The following FRMD6 variants were observed in gnomAD, a reference collection of about 807,000 sequenced individuals.
The protein encoded by FRMD6 is FERM domain-containing protein 6.
In FRMD6, 37 loss-of-function variants were observed where a neutral mutation model predicts 73.2. The observed-to-expected ratio is 0.51, with a 90% confidence interval of 0.39 to 0.66. The LOEUF (loss-of-function observed/expected upper bound fraction) is 0.66. Among genes scored for constraint, FRMD6 ranks in the 30% least tolerant of loss-of-function variants. The pLI is 0.00. For synonymous variants in FRMD6, 273 were observed against 282.2 expected, an observed-to-expected ratio of 0.97 and a Z score of 0.33; for missense variants, 714 against 780.5, an observed-to-expected ratio of 0.91 and a Z score of 1.02.
intron 1 of FRMD6, among the ~76,000 whole-genome samples, chr14:51,683,116 A>G (rs41480647): frequency 0.28 from 42,229 of 152,070 alleles, 6,591 homozygotes; most frequent in Non-Finnish European, 0.35. Context: ...ATTTACAACC[A>G]ACAATACGCT....
the FRMD6 span, among the ~76,000 whole-genome samples, chr14:51,483,981 G>A: frequency 6.6e-6 from 1 of 152,294 alleles, no homozygotes; most frequent in African/African-American, 2.4e-5. Context: ...CAGAGTAAGA[G>A]TTCGCTTCTT....
chr14:51,518,184 C>T (rs1337203497), intron 1 of FRMD6, among the ~76,000 whole-genome samples: 1 of 152,166 alleles, frequency 6.6e-6, no homozygotes, highest in East Asian at 1.9e-4. Flanking sequence ...TTAATCAAAA[C>T]TTGAGATTTA....
At chr14:51,673,929 C>G (rs1192070019) in intron 1 of FRMD6, among the ~76,000 whole-genome samples, 1 of 152,128 alleles carries the variant, frequency 6.6e-6, no homozygotes, top group Non-Finnish European at 1.5e-5. Context: ...TTGCTTTATT[C>G]ACTAAAGTGG....
At chr14:51,439,610 A>G in the FRMD6 span, among the ~76,000 whole-genome samples, 250 of 152,284 alleles carry the variant, frequency 1.6e-3, 1 homozygote, top group Middle Eastern at 6.8e-3. Context: ...CGTGTTCACT[A>G]GGTCACACGG....
rs1207055076 is a variant in FRMD6, at chr14:51,729,604, A to G, written c.*1575A>G. The G allele has an allele frequency of 2.0e-5, 3 of 152,632 alleles. No individual in the cohort carries two copies. Among genetic ancestry groups the G allele is most frequent in the South Asian group, 4.1e-4 (2 of 4,828 alleles). The allele number at this position is 152,632 out of a possible 1,614,324, so 9.5% of individuals were successfully genotyped here. On this transcript the variant is annotated 3_prime_UTR_variant, in exon 14 of 14. Coordinates refer to ENST00000344768, the MANE Select transcript of FRMD6 (RefSeq NM_001267046.2). ...TGCCCAGTTTTATTAAAAAAACTAT[A>G]TATTATTTTCTAAAGAAACAATCAT... is the stretch of plus-strand genomic sequence containing the variant.
chr14:51,440,186 A>G, the FRMD6 span, among the ~76,000 whole-genome samples: 1 of 152,256 alleles, frequency 6.6e-6, no homozygotes, highest in Non-Finnish European at 1.5e-5. Flanking sequence ...GTGGTAAAGC[A>G]TGTGTAATAA....
chr14:51,490,016 G>C (rs1173004988), intron 1 of FRMD6, among the ~76,000 whole-genome samples: 1 of 152,094 alleles, frequency 6.6e-6, no homozygotes, highest in African/African-American at 2.4e-5. Flanking sequence ...TACATATTTG[G>C]GGTTCCTGCA....
At chr14:51,662,491 GC>G (rs1191820269) in intron 1 of FRMD6, among the ~76,000 whole-genome samples, 2 of 152,118 alleles carry the variant, frequency 1.3e-5, no homozygotes, top group African/African-American at 4.8e-5. Flanking sequence ...CAGAAATAAG[GC>G]CACACACCTG....
chr14:51,634,609 A>AG (rs1375515663), intron 2 of FRMD6, among the ~76,000 whole-genome samples: 4 of 152,182 alleles, frequency 2.6e-5, no homozygotes, highest in Non-Finnish European at 5.9e-5. Flanking sequence ...TCTATAAAAA[A>AG]GGAAAAAAAA....
the FRMD6 span, among the ~76,000 whole-genome samples, chr14:51,475,456 T>C: frequency 1.3e-5 from 2 of 152,106 alleles, no homozygotes; most frequent in Non-Finnish European, 2.9e-5. Flanking sequence ...CTTCAGAGAG[T>C]GTTCTTAGCC....
intron 1 of FRMD6, among the ~76,000 whole-genome samples, chr14:51,688,032 A>T (rs1895287811): frequency 6.6e-6 from 1 of 152,096 alleles, no homozygotes; most frequent in African/African-American, 2.4e-5. Context: ...TTCTGTGTTC[A>T]TTACAAACAC....
the FRMD6 span, among the ~76,000 whole-genome samples, chr14:51,471,299 C>CT: frequency 6.6e-6 from 1 of 152,042 alleles, no homozygotes; most frequent in African/African-American, 2.4e-5. Context: ...ACCATTCTGG[C>CT]TAACACAGTG....
intron 1 of FRMD6, among the ~76,000 whole-genome samples, chr14:51,661,043 A>G (rs531965932): frequency 4.6e-5 from 7 of 152,276 alleles, no homozygotes; most frequent in Non-Finnish European, 8.8e-5. Context: ...TGTGGACTGT[A>G]TTCAGGACTT....
At chr14:51,446,062 C>T in the FRMD6 span, among the ~76,000 whole-genome samples, 1 of 152,172 alleles carries the variant, frequency 6.6e-6, no homozygotes, top group Admixed American at 6.5e-5. Context: ...AAGATTCAAG[C>T]TCAGGGTGAC....
chr14:51,495,546 C>T (rs149024268), intron 1 of FRMD6, among the ~76,000 whole-genome samples: 391 of 152,272 alleles, frequency 2.6e-3, no homozygotes, highest in African/African-American at 8.5e-3. Flanking sequence ...CATTGTCTCC[C>T]GACAGTCCTA....
At chr14:51,520,636 C>T (rs1005569468) in intron 1 of FRMD6, among the ~76,000 whole-genome samples, 2 of 152,148 alleles carry the variant, frequency 1.3e-5, no homozygotes, top group African/African-American at 2.4e-5. Context: ...AGTACGGTGG[C>T]TCACCTCTTC....
At chr14:51,610,956 C>T (rs1158399881) in intron 2 of FRMD6, among the ~76,000 whole-genome samples, 1 of 152,116 alleles carries the variant, frequency 6.6e-6, no homozygotes, top group Non-Finnish European at 1.5e-5. Context: ...TCCAAATCCC[C>T]TGGCTTGCTT....
At chr14:51,447,711 G>A in the FRMD6 span, among the ~76,000 whole-genome samples, 2 of 152,136 alleles carry the variant, frequency 1.3e-5, no homozygotes, top group African/African-American at 2.4e-5. Context: ...TTAAACAAAG[G>A]GATCCTACCA....
intron 2 of FRMD6, among the ~76,000 whole-genome samples, chr14:51,594,104 A>G (rs920762093): frequency 3.3e-5 from 5 of 152,050 alleles, no homozygotes; most frequent in Non-Finnish European, 7.4e-5. Flanking sequence ...AGATTTACTA[A>G]GAACAAGAAA....
Sources: allele counts gnomAD v4.1 joint callset (sites outside exome capture counted in the v4.1 genomes callset), GRCh38; gene constraint gnomAD v4.1.1; transcripts MANE v1.5; gene names NCBI Gene and HGNC (gene_info 2026-07-23, HGNC 2026-07-21).